Variants in RIC8B observed in about 807,000 individuals in gnomAD.
The protein encoded by RIC8B is chaperone Ric-8B.
RIC8B carries 16 observed loss-of-function variants against 57.5 expected under a neutral mutation model. The observed-to-expected ratio is 0.28, with a 90% CI of 0.19 to 0.42. The LOEUF is 0.42. Among genes scored for constraint, RIC8B ranks in the 10% least tolerant of loss-of-function variants. RIC8B has a pLI of 1.00. For missense variants in RIC8B, 481 were observed against 677.0 expected, an observed-to-expected ratio of 0.71 and a Z score of 3.21; for synonymous variants, 216 against 250.8, an observed-to-expected ratio of 0.86 and a Z score of 1.31.
intron 1 of RIC8B, among the ~76,000 whole-genome samples, chr12:106,780,867 C>T (rs2043733747): frequency 6.6e-6 from 1 of 152,186 alleles, no homozygotes; most frequent in Non-Finnish European, 1.5e-5. Context: ...GGCCATTGAA[C>T]ACTACTGTGT....
At chr12:106,869,910 A>G (rs1413983158) in intron 8 of RIC8B, among the ~76,000 whole-genome samples, 3 of 152,194 alleles carry the variant, frequency 2.0e-5, no homozygotes, top group African/African-American at 4.8e-5. Context: ...CTGCACTCCA[A>G]CGTGGGTGAC....
intron 2 of RIC8B, among the ~76,000 whole-genome samples, chr12:106,808,451 TGTG>T (rs2045165699): frequency 6.6e-6 from 1 of 152,208 alleles, no homozygotes; most frequent in South Asian, 2.1e-4. Flanking sequence ...GGATAAGAAA[TGTG>T]GTCTAGAACA....
chr12:106,840,466 A>T (rs945139501), intron 4 of RIC8B, among the ~76,000 whole-genome samples: 2 of 152,166 alleles, frequency 1.3e-5, no homozygotes, highest in African/African-American at 4.8e-5. Flanking sequence ...TATTGTGCAG[A>T]TCTGTGCATA....
intron 1 of RIC8B, among the ~76,000 whole-genome samples, chr12:106,776,184 G>A (rs1482982488): frequency 2.0e-5 from 3 of 152,120 alleles, no homozygotes; most frequent in East Asian, 3.8e-4. Context: ...TCTTTCTGCC[G>A]TACTGTGTTG....
At chr12:106,793,510 G>A (rs1458260059) in intron 2 of RIC8B, among the ~76,000 whole-genome samples, 1 of 152,224 alleles carries the variant, frequency 6.6e-6, no homozygotes, top group African/African-American at 2.4e-5. Context: ...TGGGATAACT[G>A]AGCTAGATTG....
In RIC8B at chr12:106,852,691, G is replaced by A. The variant is rs150273219; in HGVS notation, c.1306+1097G>A. On this transcript the variant is annotated intron_variant, in intron 7 of 9. Transcript: ENST00000392837. ...AATAACATGTCACACAGTTGCTGAG[G>A]GCATGAGCCCAAATTTGGGTCCTGT... Among the ~76,000 whole-genome samples the A allele has an allele frequency of 3.3e-5, 5 of 152,222 alleles. No homozygotes were observed. The East Asian group carries it at 9.7e-4, about 29-fold the overall frequency.
intron 3 of RIC8B, among the ~76,000 whole-genome samples, chr12:106,818,340 A>G (rs539643665): frequency 2.0e-5 from 3 of 151,980 alleles, no homozygotes; most frequent in Non-Finnish European, 4.4e-5. Flanking sequence ...CTAATTTTGT[A>G]TTTTTGGTAG....
At chr12:106,839,574 AAGTTTT>A (rs1490489662) in intron 4 of RIC8B, among the ~76,000 whole-genome samples, 1 of 152,170 alleles carries the variant, frequency 6.6e-6, no homozygotes, top group Non-Finnish European at 1.5e-5. Context: ...AAAAGATACA[AAGTTTT>A]AGTTATGCAA....
chr12:106,875,678 A>G (rs1391567981), intron 9 of RIC8B, among the ~76,000 whole-genome samples: 2 of 152,130 alleles, frequency 1.3e-5, no homozygotes, highest in African/African-American at 4.8e-5. Flanking sequence ...TTTTACTTAT[A>G]TATTCTGCCA....
chr12:106,800,060 C>T (rs1345019257), intron 2 of RIC8B, among the ~76,000 whole-genome samples: 1 of 152,082 alleles, frequency 6.6e-6, no homozygotes, highest in African/African-American at 2.4e-5. Context: ...TGCATTTATA[C>T]AGCAAGAACA....
intron 1 of RIC8B, among the ~76,000 whole-genome samples, chr12:106,779,519 A>T (rs73200036): frequency 0.039 from 5,905 of 152,144 alleles, 151 homozygotes; most frequent in South Asian, 0.075. Flanking sequence ...GGCATGAGCC[A>T]CTATGCCTGG....
At chr12:106,870,589 GT>G (rs1313231991) in intron 8 of RIC8B, among the ~76,000 whole-genome samples, 3 of 150,350 alleles carry the variant, frequency 2.0e-5, no homozygotes, top group African/African-American at 4.9e-5. Flanking sequence ...AAAAAAAAAA[GT>G]TGGCAAGACA....
chr12:106,824,389 C>A (rs960619112), intron 3 of RIC8B, among the ~76,000 whole-genome samples: 2 of 152,048 alleles, frequency 1.3e-5, no homozygotes, highest in African/African-American at 4.8e-5. Flanking sequence ...GCCACTGAGG[C>A]CCTCTTCTCA....
intron 8 of RIC8B, among the ~76,000 whole-genome samples, chr12:106,863,460 ACTTTTT>A (rs890843002): frequency 2.0e-5 from 3 of 152,114 alleles, no homozygotes; most frequent in Non-Finnish European, 4.4e-5. Flanking sequence ...AAGGCAAGAT[ACTTTTT>A]CTTTTATTTG....
intron 4 of RIC8B, among the ~76,000 whole-genome samples, chr12:106,834,585 G>T (rs2046498891): frequency 6.6e-6 from 1 of 152,010 alleles, no homozygotes; most frequent in Non-Finnish European, 1.5e-5. Flanking sequence ...GTGACATGGG[G>T]AGCATTTGAT....
chr12:106,843,651 G>A (rs1430380140), intron 5 of RIC8B, among the ~76,000 whole-genome samples: 1 of 150,034 alleles, frequency 6.7e-6, no homozygotes, highest in Non-Finnish European at 1.5e-5. Context: ...GAACCCGGGA[G>A]GTGGAGCTTG....
At chr12:106,778,431 TTTTG>T (rs776307067) in intron 1 of RIC8B, among the ~76,000 whole-genome samples, 8 of 152,184 alleles carry the variant, frequency 5.3e-5, no homozygotes, top group African/African-American at 7.2e-5. Context: ...AGGCAAGTTT[TTTTG>T]TTTGTTTGTT....
Position 106,886,579 on chromosome 12 carries a change from T to C in RIC8B, c.*564T>C, listed in dbSNP as rs1004385657. On this transcript the variant is annotated 3_prime_UTR_variant, in exon 10 of 10. Coordinates refer to ENST00000392837, the MANE Select transcript of RIC8B (RefSeq NM_001330145.2). ...CACACACAGCCTCAGACTTACAAAC[T>C]GATTATACTCTAAAAGTTTGTATGT... is the stretch of plus-strand genomic sequence containing the variant. 6.5e-6 allele frequency: 1 copy of C among 152,678 alleles called. No homozygotes were observed. The highest frequency in any genetic ancestry group is 2.4e-5 in the African/African-American group (1 of 41,456). The allele number at this position is 152,678 out of a possible 1,614,324, so 9.5% of individuals were successfully genotyped here. A position where few individuals can be genotyped will look rare whatever the true frequency, so the allele number is the denominator to read the frequency against.
At chr12:106,795,391 GCT>G (rs2044433877) in intron 2 of RIC8B, among the ~76,000 whole-genome samples, 1 of 152,038 alleles carries the variant, frequency 6.6e-6, no homozygotes, top group Non-Finnish European at 1.5e-5. Context: ...AAAGAAAACA[GCT>G]CTCTCTCTAG....
Sources: allele counts gnomAD v4.1 joint callset (sites outside exome capture counted in the v4.1 genomes callset), GRCh38; gene constraint gnomAD v4.1.1; transcripts MANE v1.5; gene names NCBI Gene and HGNC (gene_info 2026-07-23, HGNC 2026-07-21).